CHODL: variants seen among roughly 807,000 people sequenced by gnomAD.
The protein encoded by CHODL is chondrolectin, also known as transmembrane protein MT75.
CHODL carries 29 observed loss-of-function variants against 34.5 expected under a neutral mutation model. The ratio of observed to expected loss-of-function variants is 0.84; its 90% CI spans 0.63 to 1.15. CHODL has a LOEUF of 1.15. CHODL is among the 50% of genes most tolerant of loss of function. The probability of loss-of-function intolerance (pLI) is 0.00; values close to 1 mark genes in which losing one functional copy is unlikely to be tolerated. For missense variants in CHODL, 332 were observed against 332.5 expected, an observed-to-expected ratio of 1.00 and a Z score of 0.01; for synonymous variants, 125 against 116.1, an observed-to-expected ratio of 1.08 and a Z score of -0.49.
At position 18,087,038 on chromosome 21, in the gene CHODL, T is replaced by G. The variant is rs1477703071; in HGVS notation, c.-45+59067T>G. On this transcript the variant is annotated intron_variant, in intron 2 of 6. Transcript: ENST00000400127. Reference sequence around the variant, plus strand: ...TAGTCCCCAATCCTACAGTGGCCTATGGCAGAGCACTGGGTATTGTTCTAA... The same window carrying G: ...TAGTCCCCAATCCTACAGTGGCCTAGGGCAGAGCACTGGGTATTGTTCTAA... Among the ~76,000 whole-genome samples the G allele has an allele frequency of 2.0e-5, 3 of 152,324 alleles. No individual in the cohort carries two copies. The East Asian group carries it at 5.8e-4, about 29-fold the overall frequency.
intron 1 of CHODL, among the ~76,000 whole-genome samples, chr21:17,957,099 T>C (rs2063498352): frequency 6.6e-6 from 1 of 152,128 alleles, no homozygotes; most frequent in Admixed American, 6.5e-5. Flanking sequence ...ATGAATTAAA[T>C]CAGATAGTTG....
intron 1 of CHODL, among the ~76,000 whole-genome samples, chr21:17,925,799 C>T (rs1568800733): frequency 6.6e-6 from 1 of 152,158 alleles, no homozygotes; most frequent in Non-Finnish European, 1.5e-5. Flanking sequence ...GAGTAAATGA[C>T]TATTCCATGT....
At chr21:18,213,347 ATCCAAACAAAATG>A (rs1447621882) in intron 2 of CHODL, among the ~76,000 whole-genome samples, 1 of 152,126 alleles carries the variant, frequency 6.6e-6, no homozygotes, top group Admixed American at 6.5e-5. Context: ...CTGACCTAGA[ATCCAAACAAAATG>A]TCCCAAAGGT....
intron 1 of CHODL, among the ~76,000 whole-genome samples, chr21:18,003,121 CAA>C (rs372188101): frequency 1.3e-5 from 1 of 75,672 alleles, no homozygotes; most frequent in Non-Finnish European, 2.8e-5. Context: ...GACTCCGTCT[CAA>C]AAAAAAAAAA....
chr21:18,169,770 AC>A (rs2073205481), intron 2 of CHODL, among the ~76,000 whole-genome samples: 2 of 152,030 alleles, frequency 1.3e-5, no homozygotes, highest in Non-Finnish European at 2.9e-5. Flanking sequence ...TCTAAGCACC[AC>A]ATTAGCTGTA....
chr21:18,115,916 GA>G (rs773663213), intron 2 of CHODL, among the ~76,000 whole-genome samples: 1 of 151,822 alleles, frequency 6.6e-6, no homozygotes, highest in Non-Finnish European at 1.5e-5. Context: ...CTTGCTAAAT[GA>G]TCAAATCCAG....
chr21:18,009,362 A>G (rs149785), intron 1 of CHODL, among the ~76,000 whole-genome samples: 56,798 of 152,062 alleles, frequency 0.37, 12,810 homozygotes, highest in African/African-American at 0.64. Flanking sequence ...AAAGAAATAC[A>G]CTTTCTTTTC....
chr21:18,209,091 T>C (rs1184350610), intron 2 of CHODL, among the ~76,000 whole-genome samples: 1 of 152,158 alleles, frequency 6.6e-6, no homozygotes, highest in East Asian at 1.9e-4. Flanking sequence ...GCCAGGCTTG[T>C]ATTCTTTTCT....
chr21:18,103,733 T>C (rs1273018317), intron 2 of CHODL, among the ~76,000 whole-genome samples: 4 of 152,018 alleles, frequency 2.6e-5, no homozygotes, highest in Admixed American at 2.6e-4. Context: ...AGCATGACTA[T>C]CTCCTCTTCC....
chr21:18,257,048 C>T lies in CHODL; in HGVS notation c.468C>T (p.Gly156=), dbSNP rs1365523769. The T allele has an allele frequency of 1.2e-5, 19 of 1,613,794 alleles. No homozygotes were observed. Among genetic ancestry groups the T allele is most frequent in the Non-Finnish European group, 1.6e-5 (19 of 1,179,908 alleles). The change falls in exon 3 of 6, where the codon GGC becomes GGT. Residue 156 remains glycine (G), a synonymous_variant. Transcript: ENST00000299295. ...VMYHQPTANP[G]LGGPYLYQWN... is the part of the protein sequence containing the mutation. ...ATCACCAACCAACTGCCAATCCTGG[C>T]CTTGGGGGTCCCTACCTTTACCAGT...
At chr21:18,132,994 T>A (rs117076944) in intron 2 of CHODL, among the ~76,000 whole-genome samples, 3,168 of 152,288 alleles carry the variant, frequency 0.021, 44 homozygotes, top group Non-Finnish European at 0.033. Context: ...AATGAAACTA[T>A]TGGCAATTCT....
chr21:17,933,087 C>A (rs553285048), intron 1 of CHODL, among the ~76,000 whole-genome samples: 2 of 152,214 alleles, frequency 1.3e-5, no homozygotes, highest in Non-Finnish European at 2.9e-5. Flanking sequence ...TGCTGCCCGC[C>A]TGTCCCACCT....
chr21:18,095,951 T>C (rs969105750), intron 2 of CHODL, among the ~76,000 whole-genome samples: 2 of 152,172 alleles, frequency 1.3e-5, no homozygotes, highest in Non-Finnish European at 2.9e-5. Flanking sequence ...TAAAGTTTAA[T>C]ACCCTTTCAT....
intron 2 of CHODL, among the ~76,000 whole-genome samples, chr21:18,192,927 T>A (rs79415001): frequency 0.014 from 2,092 of 152,262 alleles, 47 homozygotes; most frequent in African/African-American, 0.047. Flanking sequence ...ACTACTTTTT[T>A]AAAAAGAGTA....
intron 2 of CHODL, among the ~76,000 whole-genome samples, chr21:18,077,018 G>C (rs2064874720): frequency 6.6e-6 from 1 of 152,190 alleles, no homozygotes; most frequent in Non-Finnish European, 1.5e-5. Flanking sequence ...GACCTGAAAA[G>C]CTGTTGGGGA....
intron 1 of CHODL, among the ~76,000 whole-genome samples, chr21:18,250,172 T>A (rs1208713659): frequency 6.6e-6 from 1 of 152,152 alleles, no homozygotes; most frequent in Non-Finnish European, 1.5e-5. Context: ...AGGCCAGGGG[T>A]GATTAAATAA....
intron 2 of CHODL, among the ~76,000 whole-genome samples, chr21:18,186,011 AT>A (rs2073437097): frequency 6.6e-6 from 1 of 152,170 alleles, no homozygotes; most frequent in Non-Finnish European, 1.5e-5. Context: ...GGACAAGCAC[AT>A]TCAGACCATA....
chr21:18,048,997 A>G lies in CHODL; in HGVS notation c.-45+21026A>G, dbSNP rs373206762. ...CTAAAGAACACTTTAGTATTGATTAATCATTTTAAATTTGTAAATTGAGAT... is the reference window on the plus strand; with the variant it reads ...CTAAAGAACACTTTAGTATTGATTAGTCATTTTAAATTTGTAAATTGAGAT... On this transcript the variant is annotated intron_variant, in intron 2 of 6. Transcript: ENST00000400127. 3.0e-4 allele frequency among the ~76,000 whole-genome samples: 45 copies of G among 152,062 alleles called. 1 individual carries two copies. Among genetic ancestry groups the G allele is most frequent in the African/African-American group, 1.1e-3 (45 of 41,532 alleles).
chr21:18,078,690 G>T (rs953653608), intron 2 of CHODL, among the ~76,000 whole-genome samples: 1 of 152,106 alleles, frequency 6.6e-6, no homozygotes, highest in African/African-American at 2.4e-5. Context: ...TAACACAAAT[G>T]ACCATAGATT....
Sources: allele counts gnomAD v4.1 joint callset (sites outside exome capture counted in the v4.1 genomes callset), GRCh38; gene constraint gnomAD v4.1.1; transcripts MANE v1.5; gene names NCBI Gene and HGNC (gene_info 2026-07-23, HGNC 2026-07-21).